Variants in LRFN2 observed in about 807,000 individuals in gnomAD.
LRFN2 encodes leucine rich repeat and fibronectin type III domain containing 2.
A neutral mutation model predicts 37.3 loss-of-function variants in LRFN2; 18 were observed. The ratio of observed to expected loss-of-function variants is 0.48; its 90% CI spans 0.33 to 0.72. LRFN2 has a LOEUF of 0.72. Among genes scored for constraint, LRFN2 ranks in the 30% least tolerant of loss-of-function variants. LRFN2 has a pLI of 0.02. For synonymous variants in LRFN2, 556 were observed against 466.6 expected, an observed-to-expected ratio of 1.19 and a Z score of -2.47; for missense variants, 1,006 against 1,060.7, an observed-to-expected ratio of 0.95 and a Z score of 0.72.
chr6:40,465,047 C>A (rs1005027073), intron 1 of LRFN2, among the ~76,000 whole-genome samples: 1 of 151,938 alleles, frequency 6.6e-6, no homozygotes, highest in Non-Finnish European at 1.5e-5. Flanking sequence ...TGGGAGCATC[C>A]AATATAATCA....
At chr6:40,523,546 C>T (rs1766153214) in intron 1 of LRFN2, among the ~76,000 whole-genome samples, 3 of 129,040 alleles carry the variant, frequency 2.3e-5, no homozygotes, top group East Asian at 2.3e-4. Context: ...ACCGATAGCC[C>T]TATGAAGAAG....
At chr6:40,576,581 C>T (rs1051123117) in intron 1 of LRFN2, among the ~76,000 whole-genome samples, 16 of 152,174 alleles carry the variant, frequency 1.1e-4, no homozygotes, top group Non-Finnish European at 1.3e-4. Context: ...GCTCTCTCTC[C>T]GGAGCTGCCT....
At position 40,512,079 on chromosome 6, in the gene LRFN2, C is replaced by T. The variant is rs540915909; in HGVS notation, c.-19+74862G>A. ...ACTTTTGGACGCTTAAAATCCAGAT[C>T]ATCCCCAACCCTGCCCAGGTTCCCA... is the stretch of plus-strand genomic sequence containing the variant. On this transcript the variant is annotated intron_variant, in intron 1 of 2. Transcript: ENST00000338305. Among the ~76,000 whole-genome samples, 3 of 152,322 alleles carry T rather than the reference C, an allele frequency of 2.0e-5. No homozygotes were observed. In the East Asian group the frequency reaches 5.8e-4, roughly 29 times the overall value.
chr6:40,522,332 C>A (rs1766101467), intron 1 of LRFN2, among the ~76,000 whole-genome samples: 1 of 152,070 alleles, frequency 6.6e-6, no homozygotes, highest in South Asian at 2.1e-4. Context: ...TTGAGTGGGA[C>A]CCCATGGAGT....
intron 1 of LRFN2, among the ~76,000 whole-genome samples, chr6:40,520,365 T>C (rs1380475850): frequency 6.6e-6 from 1 of 152,016 alleles, no homozygotes; most frequent in Non-Finnish European, 1.5e-5. Flanking sequence ...CATGACACTC[T>C]GGGCTCCAGC....
chr6:40,560,985 G>T (rs1411480855), intron 1 of LRFN2, among the ~76,000 whole-genome samples: 4 of 152,290 alleles, frequency 2.6e-5, no homozygotes, highest in African/African-American at 9.6e-5. Flanking sequence ...TATGTGGAGT[G>T]TCCATCTGTG....
At chr6:40,514,129 G>T (rs1260056712) in intron 1 of LRFN2, among the ~76,000 whole-genome samples, 1 of 152,080 alleles carries the variant, frequency 6.6e-6, no homozygotes, top group East Asian at 1.9e-4. Context: ...GTATGGAAAA[G>T]CTCTGGAAAA....
At chr6:40,440,011 C>T (rs184134294) in intron 1 of LRFN2, among the ~76,000 whole-genome samples, 7 of 152,024 alleles carry the variant, frequency 4.6e-5, no homozygotes, top group Middle Eastern at 3.4e-3. Flanking sequence ...ACAAGATGGG[C>T]AAGAACATTC....
At chr6:40,534,221 C>T (rs1277241618) in intron 1 of LRFN2, among the ~76,000 whole-genome samples, 1 of 152,228 alleles carries the variant, frequency 6.6e-6, no homozygotes, top group African/African-American at 2.4e-5. Context: ...CCAGTCACTT[C>T]TGCTAGGTCT....
At chr6:40,572,325 A>T (rs1378961043) in intron 1 of LRFN2, among the ~76,000 whole-genome samples, 1 of 152,192 alleles carries the variant, frequency 6.6e-6, no homozygotes, top group Non-Finnish European at 1.5e-5. Context: ...ATCAGAGAGA[A>T]CTTTCTAGAT....
At chr6:40,582,147 A>G (rs1389898230) in intron 1 of LRFN2, among the ~76,000 whole-genome samples, 4 of 152,100 alleles carry the variant, frequency 2.6e-5, no homozygotes, top group African/African-American at 7.2e-5. Flanking sequence ...GTGTTGTCCT[A>G]CACCAAAATG....
chr6:40,562,880 C>T (rs1467305754), intron 1 of LRFN2, among the ~76,000 whole-genome samples: 2 of 141,772 alleles, frequency 1.4e-5, no homozygotes, highest in Non-Finnish European at 1.5e-5. Context: ...CTCTATTATC[C>T]CCAAGGGGCC....
At chr6:40,407,156 C>A (rs1762863720) in intron 2 of LRFN2, among the ~76,000 whole-genome samples, 1 of 152,244 alleles carries the variant, frequency 6.6e-6, no homozygotes, top group South Asian at 2.1e-4. Flanking sequence ...AGCTCTTGAG[C>A]CCATGTAAGG....
chr6:40,452,986 G>C (rs1471990359), intron 1 of LRFN2, among the ~76,000 whole-genome samples: 1 of 152,228 alleles, frequency 6.6e-6, no homozygotes, highest in East Asian at 1.9e-4. Flanking sequence ...TGTAAAATAA[G>C]AGTGACTCTT....
intron 2 of LRFN2, among the ~76,000 whole-genome samples, chr6:40,424,582 G>GAA (rs34334112): frequency 4.0e-5 from 6 of 151,342 alleles, no homozygotes; most frequent in Non-Finnish European, 8.8e-5. Flanking sequence ...TCAACAGCGT[G>GAA]AAAAAAAAAT....
chr6:40,461,527 GC>G (rs1484478674), intron 1 of LRFN2, among the ~76,000 whole-genome samples: 2 of 151,478 alleles, frequency 1.3e-5, no homozygotes, highest in Admixed American at 6.6e-5. Context: ...CACAGTTGCA[GC>G]CCCGAAAATA....
chr6:40,518,166 A>G (rs1322508939), intron 1 of LRFN2, among the ~76,000 whole-genome samples: 2 of 152,220 alleles, frequency 1.3e-5, no homozygotes, highest in East Asian at 1.9e-4. Context: ...CTTCAATTAG[A>G]CAACAATAAG....
In LRFN2 at chr6:40,514,351, G is replaced by A. The variant is rs746621253; in HGVS notation, c.-19+72590C>T. Among the ~76,000 whole-genome samples the A allele has an allele frequency of 1.1e-4, 17 of 152,168 alleles. 1 individual carries two copies. In the South Asian group the frequency reaches 1.2e-3, roughly 11 times the overall value. ...TTTTTTCTAGACGGAATCTTGCTCT[G>A]TCGCCCAGGCTGGAATGCAGTAGTG... On this transcript the variant is annotated intron_variant, in intron 1 of 2. Transcript: ENST00000338305.
intron 1 of LRFN2, among the ~76,000 whole-genome samples, chr6:40,501,998 G>A (rs192068364): frequency 1.4e-3 from 207 of 152,334 alleles, no homozygotes; most frequent in African/African-American, 4.4e-3. Flanking sequence ...GAGACCCAGA[G>A]AGGGTGTCAT....
Sources: allele counts gnomAD v4.1 joint callset (sites outside exome capture counted in the v4.1 genomes callset), GRCh38; gene constraint gnomAD v4.1.1; transcripts MANE v1.5; gene names NCBI Gene and HGNC (gene_info 2026-07-23, HGNC 2026-07-21).